The following MAP3K7CL variants were observed in gnomAD, a reference collection of about 807,000 sequenced individuals.
The protein encoded by MAP3K7CL is MAP3K7 C-terminal-like protein.
A neutral mutation model predicts 18.6 loss-of-function variants in MAP3K7CL; 16 were observed. The observed-to-expected ratio is 0.86, with a 90% CI of 0.58 to 1.31. The LOEUF is 1.31. MAP3K7CL is among the 50% of genes most tolerant of loss of function. MAP3K7CL has a pLI of 0.00. For missense variants in MAP3K7CL, 163 were observed against 174.4 expected (o/e 0.93, Z 0.37); for synonymous variants, 65 against 66.8 (o/e 0.97, Z 0.13).
chr21:29,142,798 C>A (rs1008212936), intron 2 of MAP3K7CL, among the ~76,000 whole-genome samples: 10 of 152,188 alleles, frequency 6.6e-5, no homozygotes, highest in African/African-American at 2.2e-4. Context: ...AGGTAATACC[C>A]TTCCCATTTT....
At chr21:29,108,407 T>G (rs2086361579) in intron 4 of MAP3K7CL, among the ~76,000 whole-genome samples, 3 of 152,216 alleles carry the variant, frequency 2.0e-5, no homozygotes, top group Admixed American at 2.0e-4. Context: ...AATAAATTCC[T>G]GTTGTTTAAG....
upstream of MAP3K7CL, among the ~76,000 whole-genome samples, chr21:29,125,962 G>T (rs996182419): frequency 1.3e-5 from 2 of 152,260 alleles, no homozygotes; most frequent in Non-Finnish European, 2.9e-5. Context: ...TCAAACAGAT[G>T]TATCAGTGCT....
chr21:29,108,964 G>A, intron 4 of MAP3K7CL: 1 of 1,295,426 alleles, frequency 7.7e-7, no homozygotes, highest in East Asian at 2.5e-5. Flanking sequence ...AGTCTTGAAG[G>A]TCAACTTGAA....
intron 3 of MAP3K7CL, among the ~76,000 whole-genome samples, chr21:29,155,675 T>C (rs959341266): frequency 1.3e-5 from 2 of 152,154 alleles, no homozygotes; most frequent in African/African-American, 2.4e-5. Context: ...ATACCAGAGA[T>C]AGCAGCAGCT....
At chr21:29,155,605 C>T (rs969321016) in intron 3 of MAP3K7CL, among the ~76,000 whole-genome samples, 1 of 152,134 alleles carries the variant, frequency 6.6e-6, no homozygotes, top group Non-Finnish European at 1.5e-5. Context: ...TTCTTGGAAC[C>T]GGACCCTGCG....
chr21:29,139,895 C>CT (rs5843369), intron 2 of MAP3K7CL, among the ~76,000 whole-genome samples: 7,356 of 67,020 alleles, frequency 0.11, 347 homozygotes, highest in African/African-American at 0.19. Context: ...CCATCTCTGG[C>CT]TTTTTTTTTT....
chr21:29,101,838 A>G (rs1255007890), intron 4 of MAP3K7CL, among the ~76,000 whole-genome samples: 1 of 152,230 alleles, frequency 6.6e-6, no homozygotes, highest in Non-Finnish European at 1.5e-5. Context: ...AAGTTAACAC[A>G]TGTGCCAGTG....
intron 4 of MAP3K7CL, among the ~76,000 whole-genome samples, chr21:29,123,298 A>G (rs2086628651): frequency 6.6e-6 from 1 of 152,130 alleles, no homozygotes; most frequent in South Asian, 2.1e-4. Flanking sequence ...TCCTGACCTC[A>G]GGTGATCCAC....
intron 4 of MAP3K7CL, chr21:29,109,263 T>C: frequency 6.5e-7 from 1 of 1,533,712 alleles, no homozygotes; most frequent in Admixed American, 2.0e-5. Flanking sequence ...TACAACCAGA[T>C]AGTGCATGTG....
At chr21:29,114,997 T>C (rs1163664972) in intron 4 of MAP3K7CL, among the ~76,000 whole-genome samples, 1 of 152,232 alleles carries the variant, frequency 6.6e-6, no homozygotes, top group Non-Finnish European at 1.5e-5. Context: ...CTGTTTTCTT[T>C]AGTATTTGAT....
intron 4 of MAP3K7CL, among the ~76,000 whole-genome samples, chr21:29,098,936 C>A (rs1406646020): frequency 6.6e-6 from 1 of 152,176 alleles, no homozygotes; most frequent in Non-Finnish European, 1.5e-5. Context: ...GGTCTCTATT[C>A]TTTTAATTCT....
At chr21:29,134,295 A>C (rs1285379844) in intron 2 of MAP3K7CL, among the ~76,000 whole-genome samples, 1 of 152,066 alleles carries the variant, frequency 6.6e-6, no homozygotes, top group Non-Finnish European at 1.5e-5. Context: ...AGGCAGGAGG[A>C]TCCCTTGAGC....
chr21:29,104,330 A>G (rs552081854), intron 4 of MAP3K7CL, among the ~76,000 whole-genome samples: 1 of 152,092 alleles, frequency 6.6e-6, no homozygotes, highest in Non-Finnish European at 1.5e-5. Context: ...GCTGTGGTTT[A>G]CATGTAAACT....
At chr21:29,167,400 A>G (rs770781887) in intron 4 of MAP3K7CL, among the ~76,000 whole-genome samples, 11 of 152,240 alleles carry the variant, frequency 7.2e-5, no homozygotes, top group Non-Finnish European at 1.3e-4. Context: ...GGGGAGTAAC[A>G]TCTCATCTAG....
At chr21:29,118,430 G>C (rs1324938913) in intron 4 of MAP3K7CL, among the ~76,000 whole-genome samples, 1 of 151,596 alleles carries the variant, frequency 6.6e-6, no homozygotes, top group Non-Finnish European at 1.5e-5. Context: ...GTTCAATTTA[G>C]TTCCAGAAAT....
chr21:29,121,501 A>G (rs151172454), intron 4 of MAP3K7CL, among the ~76,000 whole-genome samples: 2,103 of 152,248 alleles, frequency 0.014, 42 homozygotes, highest in African/African-American at 0.048. Context: ...AACTGAAAGA[A>G]TATAGGCTCA....
intron 4 of MAP3K7CL, among the ~76,000 whole-genome samples, chr21:29,099,424 G>T: frequency 6.6e-6 from 1 of 151,780 alleles, no homozygotes; most frequent in East Asian, 1.9e-4. Flanking sequence ...GTTTTTGAAG[G>T]CATTTAAAGG....
At chr21:29,116,229 A>G (rs2146575020) in intron 4 of MAP3K7CL, among the ~76,000 whole-genome samples, 1 of 152,386 alleles carries the variant, frequency 6.6e-6, no homozygotes, top group East Asian at 1.9e-4. Flanking sequence ...CTGTCACTGA[A>G]CAAGCCATGA....
exon 4 of MAP3K7CL, chr21:29,092,574 C>A (rs2086048190): frequency 6.2e-7 from 1 of 1,613,946 alleles, no homozygotes; most frequent in Admixed American, 1.7e-5. Flanking sequence ...TCCCCAGCTC[C>A]CCTCTGGGTG....
Sources: gnomAD v4.1 joint callset for allele counts (sites outside exome capture counted in the v4.1 genomes callset) on GRCh38, gnomAD v4.1.1 for gene constraint, MANE v1.5 for transcripts, NCBI Gene and HGNC (gene_info 2026-07-23, HGNC 2026-07-21) for gene names.